Variants in OTUD7A observed in about 807,000 individuals in gnomAD.
The protein encoded by OTUD7A is OTU domain-containing protein 7A.
Under a neutral mutation model 65.7 loss-of-function variants are expected in OTUD7A, and 12 were observed. That is an observed-to-expected ratio of 0.18 (90% CI 0.12 to 0.30). The LOEUF (loss-of-function observed/expected upper bound fraction) is 0.30. Ranked by LOEUF, OTUD7A falls within the 10% of genes least tolerant of loss-of-function variation. The probability of loss-of-function intolerance (pLI) is 1.00; values close to 1 mark genes in which losing one functional copy is unlikely to be tolerated. For missense variants in OTUD7A, 1,148 were observed against 1,304.8 expected, an observed-to-expected ratio of 0.88 and a Z score of 1.85; for synonymous variants, 641 against 586.3, an observed-to-expected ratio of 1.09 and a Z score of -1.35.
intron 2 of OTUD7A, among the ~76,000 whole-genome samples, chr15:31,656,100 A>G (rs151259614): frequency 0.032 from 4,804 of 152,290 alleles, 245 homozygotes; most frequent in African/African-American, 0.11. Context: ...TCAATCCAAC[A>G]ACATTCTTAA....
intron 3 of OTUD7A, among the ~76,000 whole-genome samples, chr15:31,592,821 A>G (rs1889768795): frequency 1.5e-5 from 2 of 135,516 alleles, no homozygotes; most frequent in African/African-American, 5.6e-5. Flanking sequence ...CGGCGCTTGC[A>G]GTGAGCCGAG....
chr15:31,855,921 C>A (rs1460631828), intron 1 of OTUD7A, among the ~76,000 whole-genome samples: 1 of 152,206 alleles, frequency 6.6e-6, no homozygotes, highest in Admixed American at 6.5e-5. Context: ...CCTGGGCACT[C>A]AGCTAACCCA....
chr15:31,746,824 A>G lies in OTUD7A; in HGVS notation c.-99-89747T>C, dbSNP rs150649498. ...CTGAAGTTTTAAAATTGGCAAAACA[A>G]ATACAGTCTAAATAATTTTTAGAAA... On this transcript the variant is annotated intron_variant, in intron 1 of 12. Coordinates refer to ENST00000307050, the MANE Select transcript of OTUD7A (RefSeq NM_001382637.1). Among the ~76,000 whole-genome samples the G allele has an allele frequency of 6.4e-4, 98 of 152,336 alleles. 1 individual carries two copies. The highest frequency in any genetic ancestry group is 3.4e-3 in the Middle Eastern group (1 of 292).
At chr15:31,694,936 G>C (rs967932039) in intron 1 of OTUD7A, among the ~76,000 whole-genome samples, 1 of 151,624 alleles carries the variant, frequency 6.6e-6, no homozygotes, top group Non-Finnish European at 1.5e-5. Context: ...AGCTCCGCCT[G>C]CTGGGTTCAC....
intron 3 of OTUD7A, among the ~76,000 whole-genome samples, chr15:31,618,840 G>A (rs1466215697): frequency 6.6e-6 from 1 of 152,102 alleles, no homozygotes; most frequent in Non-Finnish European, 1.5e-5. Flanking sequence ...TTAGAGATGA[G>A]TCCTTGCCCA....
Position 31,507,762 on chromosome 15 carries a change from C to T in OTUD7A, c.894-3944G>A, listed in dbSNP as rs140180522. ...ACTTTTAGGATTCTGCTGATTGGTG[C>T]GTTTTACAGAGCACTGATTGGTGTG... is the stretch of plus-strand genomic sequence containing the variant. On this transcript the variant is annotated intron_variant, in intron 8 of 12. Coordinates refer to ENST00000307050, the MANE Select transcript of OTUD7A (RefSeq NM_001382637.1). Among the ~76,000 whole-genome samples the T allele has an allele frequency of 9.0e-3, 1,372 of 152,190 alleles. 22 individuals carry two copies. The highest frequency in any genetic ancestry group is 0.031 in the African/African-American group (1,294 of 41,498).
rs772574742 is a variant in OTUD7A at position 31,808,136 on chromosome 15, C to CACACACAAAAAAAAAA, written c.-100+62370_-100+62371insTTTTTTTTTTGTGTGT. Among the ~76,000 whole-genome samples, 91 of 119,470 alleles carry CACACACAAAAAAAAAA rather than the reference C, an allele frequency of 7.6e-4. 1 individual carries two copies. The highest frequency in any genetic ancestry group is 2.6e-3 in the East Asian group (11 of 4,228). The allele number at this position is 119,470 out of a possible 152,430, so 78.4% of individuals were successfully genotyped here. On this transcript the variant is annotated intron_variant, in intron 1 of 12. Transcript: ENST00000307050. ...ACACACACACACACACACACACACACAAACAAATCCTCACCAGGTTTTTCC... is the reference window on the plus strand; with the variant it reads ...ACACACACACACACACACACACACACACACACAAAAAAAAAAAAACAAATCCTCACCAGGTTTTTCC...
chr15:31,794,282 C>T (rs957847867), intron 1 of OTUD7A, among the ~76,000 whole-genome samples: 1 of 152,146 alleles, frequency 6.6e-6, no homozygotes, highest in African/African-American at 2.4e-5. Context: ...ACATCAGGAC[C>T]ACCATTTTCA....
intron 1 of OTUD7A, among the ~76,000 whole-genome samples, chr15:31,717,129 G>A (rs1264156776): frequency 6.6e-6 from 1 of 152,046 alleles, no homozygotes; most frequent in South Asian, 2.1e-4. Flanking sequence ...AATGTCCTTT[G>A]TAACAAAATG....
At chr15:31,488,294 T>C (rs2041268383) in intron 10 of OTUD7A, among the ~76,000 whole-genome samples, 1 of 152,154 alleles carries the variant, frequency 6.6e-6, no homozygotes, top group Admixed American at 6.5e-5. Context: ...GATTGACTCA[T>C]CACAAAACTT....
rs1299984841 is a variant in OTUD7A, at chr15:31,484,179, C to T, written c.1917G>A (p.Glu639=). The T allele has an allele frequency of 1.2e-6, 2 of 1,610,464 alleles. No individual in the cohort carries two copies. Among genetic ancestry groups the T allele is most frequent in the Admixed American group, 3.3e-5 (2 of 59,932 alleles). The part of the protein sequence containing the change: ...LNILRAAMQG[E]RKFIFAGLLL... ...GCAGGCCGGCGAAGATGAACTTGCG[C>T]TCCCCCTGCATGGCGGCGCGCAGGA... Residue 639 remains glutamate, a synonymous_variant, in exon 13 of 13, where the codon GAG becomes GAA. Coordinates refer to ENST00000307050, the MANE Select transcript of OTUD7A (RefSeq NM_001382637.1). This position sits in a 1 kb window ranked among gnomAD's most constrained non-coding sequence, Gnocchi z 4.5.
chr15:31,640,838 ATGTGTGTGTATG>A (rs938187551), intron 3 of OTUD7A, among the ~76,000 whole-genome samples: 15 of 151,970 alleles, frequency 9.9e-5, no homozygotes, highest in East Asian at 1.9e-4. Context: ...CTTTGTGCAT[ATGTGTGTGTATG>A]TGTGTGTGTA....
intron 3 of OTUD7A, among the ~76,000 whole-genome samples, chr15:31,648,302 A>T (rs1341724796): frequency 6.6e-6 from 1 of 152,236 alleles, no homozygotes; most frequent in Admixed American, 6.5e-5. Flanking sequence ...GGGAAGAATA[A>T]CTTAAAACAA....
At chr15:31,689,290 A>G (rs1193781139) in intron 1 of OTUD7A, 1 of 150,288 alleles carries the variant, frequency 6.7e-6, no homozygotes, top group Non-Finnish European at 1.5e-5. Context: ...TACCAGCTCT[A>G]TTGTCAGAGG....
chr15:31,539,380 C>A (rs112120921), intron 5 of OTUD7A, among the ~76,000 whole-genome samples: 5 of 152,066 alleles, frequency 3.3e-5, no homozygotes, highest in Admixed American at 2.6e-4. Flanking sequence ...CATATGACCC[C>A]GAGGTCTACA....
At chr15:31,630,464 T>C (rs1234136097) in intron 3 of OTUD7A, among the ~76,000 whole-genome samples, 141 of 152,312 alleles carry the variant, frequency 9.3e-4, no homozygotes, top group East Asian at 9.1e-3. Flanking sequence ...AGACAGTTTG[T>C]TATAATTTCT....
chr15:31,646,201 C>T (rs982902619), intron 3 of OTUD7A, among the ~76,000 whole-genome samples: 11 of 151,956 alleles, frequency 7.2e-5, no homozygotes, highest in Non-Finnish European at 1.2e-4. Context: ...CTGGGGCTCT[C>T]AGCCATGTGA....
At chr15:31,854,809 A>G (rs946199893) in intron 1 of OTUD7A, among the ~76,000 whole-genome samples, 2 of 151,988 alleles carry the variant, frequency 1.3e-5, no homozygotes, top group Non-Finnish European at 2.9e-5. Flanking sequence ...ACACTTTCCT[A>G]AAAAGGAAAA....
intron 1 of OTUD7A, among the ~76,000 whole-genome samples, chr15:31,699,316 T>G (rs1893159166): frequency 6.6e-6 from 1 of 152,170 alleles, no homozygotes; most frequent in African/African-American, 2.4e-5. Context: ...CCTGACCTCG[T>G]GATCCGCCCG....
Sources: gnomAD v4.1 joint callset for allele counts (sites outside exome capture counted in the v4.1 genomes callset) on GRCh38, gnomAD v4.1.1 for gene constraint, Gnocchi (gnomAD v3.1) non-coding constraint, MANE v1.5 for transcripts, NCBI Gene and HGNC (gene_info 2026-07-23, HGNC 2026-07-21) for gene names.